The following F5 variants were observed in gnomAD, a reference collection of about 807,000 sequenced individuals.
The protein encoded by F5 is coagulation factor V, also known as activated protein c cofactor.
Under a neutral mutation model 216.4 loss-of-function variants are expected in F5, and 138 were observed. The observed-to-expected ratio is 0.64, with a 90% CI of 0.56 to 0.73. The LOEUF (loss-of-function observed/expected upper bound fraction) is 0.73, where lower values mean the gene tolerates loss of function less well. Among genes scored for constraint, F5 ranks in the 30% least tolerant of loss-of-function variants. The pLI is 0.00. For missense variants in F5, 2,403 were observed against 2,674.0 expected (o/e 0.90, Z 2.24); for synonymous variants, 916 against 930.7 (o/e 0.98, Z 0.29).
At chr1:169,586,206 C>T (rs759944580) in intron 1 of F5, 23 bp downstream of exon 1, 3 of 1,613,938 alleles carry the variant, frequency 1.9e-6, no homozygotes, top group Non-Finnish European at 2.5e-6. Context: ...GAGAAGCCCA[C>T]CCGGACTCCA....
At chr1:169,554,952 G>C (rs906329605) in intron 7 of F5, among the ~76,000 whole-genome samples, 5 of 152,160 alleles carry the variant, frequency 3.3e-5, no homozygotes, top group African/African-American at 1.2e-4. Context: ...GCTTGGCAAT[G>C]GCAAACATTC....
At chr1:169,571,672 T>C (rs1485673889) in intron 3 of F5, among the ~76,000 whole-genome samples, 1 of 152,128 alleles carries the variant, frequency 6.6e-6, no homozygotes, top group Non-Finnish European at 1.5e-5. Context: ...CCTGTTTTTG[T>C]AAATAAAATT....
chr1:169,573,978 A>G (rs555582445), intron 2 of F5, among the ~76,000 whole-genome samples: 1 of 152,298 alleles, frequency 6.6e-6, no homozygotes, highest in African/African-American at 2.4e-5. Context: ...AAAATATTCA[A>G]AAAACAACAA....
chr1:169,586,176 G>C, intron 1 of F5, 53 bp downstream of exon 1: 1 of 1,594,928 alleles, frequency 6.3e-7, no homozygotes, highest in Non-Finnish European at 8.6e-7. Flanking sequence ...TTCTCTAAAA[G>C]AAATAGATTT....
rs542871939 is a variant in F5, at chr1:169,513,721, G to A, written c.*592C>T. On this transcript the variant is annotated 3_prime_UTR_variant, in exon 25 of 25. Transcript: ENST00000367797. Reference sequence around the variant, plus strand: ...CCACCAACCTTGAATATCAATGTGTGCAGTCCTTAGGGAGACCAGGACGGA... The same window carrying A: ...CCACCAACCTTGAATATCAATGTGTACAGTCCTTAGGGAGACCAGGACGGA... Among the ~76,000 whole-genome samples, 2 of 152,216 alleles carry A rather than the reference G, an allele frequency of 1.3e-5. No individual in the cohort carries two copies. The highest frequency in any genetic ancestry group is 3.9e-4 in the East Asian group (2 of 5,180).
At chr1:169,581,131 T>G in intron 2 of F5, among the ~76,000 whole-genome samples, 1 of 152,082 alleles carries the variant, frequency 6.6e-6, no homozygotes, top group East Asian at 1.9e-4. Flanking sequence ...GTGGGGATAC[T>G]GAGCAGGAGT....
In F5 at chr1:169,514,200, A is replaced by G. The variant is rs1659101788; in HGVS notation, c.*113T>C. The G allele has an allele frequency of 8.8e-7, 1 of 1,139,274 alleles. No homozygotes were observed. Among genetic ancestry groups the G allele is most frequent in the Non-Finnish European group, 1.3e-6 (1 of 770,364 alleles). 70.6% of individuals were successfully genotyped at this position (1,139,274 alleles called of 1,614,324 possible). A position where few individuals can be genotyped will look rare whatever the true frequency, so the allele number is the denominator to read the frequency against. ...AAAATTTTATTCACTAATAGAAAAG[A>G]AAGAGAAATAGTGGAAAACTGTTAA... On this transcript the variant is annotated 3_prime_UTR_variant, in exon 25 of 25. Transcript: ENST00000367797.
chr1:169,565,783 G>C (rs1315446102), intron 3 of F5, among the ~76,000 whole-genome samples: 1 of 152,038 alleles, frequency 6.6e-6, no homozygotes, highest in Non-Finnish European at 1.5e-5. Flanking sequence ...ATAGGCATCT[G>C]AGTTTGTGAA....
intron 3 of F5, among the ~76,000 whole-genome samples, chr1:169,570,245 G>A (rs988367315): frequency 1.3e-5 from 2 of 152,026 alleles, no homozygotes; most frequent in Admixed American, 1.3e-4. Context: ...AAAGGAAGAG[G>A]GATAGTGTTG....
chr1:169,520,808 G>T, intron 21 of F5, 144 bp from the exon 22 acceptor site: 1 of 735,154 alleles, frequency 1.4e-6, no homozygotes, highest in Non-Finnish European at 2.2e-6. Flanking sequence ...TATACTTGGG[G>T]ATAATTCCAG....
rs12131397 is a variant in F5, at chr1:169,524,715, A to C, written c.5788+122T>G. On this transcript the variant is annotated intron_variant, in intron 19 of 24. Transcript: ENST00000367797. Reference sequence around the variant, plus strand: ...AAATGGAGCTGCTTCACTACATTGTAGTAGAGAAAAGCATAAAGAGAAAAA... The same window carrying C: ...AAATGGAGCTGCTTCACTACATTGTCGTAGAGAAAAGCATAAAGAGAAAAA... 378,973 of 844,962 alleles carry C rather than the reference A, an allele frequency of 0.45. 93,824 individuals carry two copies. The highest frequency in any genetic ancestry group is 0.53 in the Non-Finnish European group (265,153 of 496,192). 52.3% of individuals were successfully genotyped at this position (844,962 alleles called of 1,614,324 possible). A position where few individuals can be genotyped will look rare whatever the true frequency, so the allele number is the denominator to read the frequency against.
chr1:169,550,814 T>C (rs1660150758), intron 8 of F5, 75 bp from the exon 9 acceptor site: 2 of 1,122,216 alleles, frequency 1.8e-6, no homozygotes, highest in East Asian at 2.4e-5. Flanking sequence ...TAGCTTTGCA[T>C]ATTCACCTTT....
chr1:169,547,930 G>T (rs564270816), intron 10 of F5, among the ~76,000 whole-genome samples: 4 of 152,106 alleles, frequency 2.6e-5, no homozygotes, highest in Non-Finnish European at 5.9e-5. Context: ...GCAAAGACAT[G>T]AAATCAACCC....
At chr1:169,569,719 C>G (rs1206109573) in intron 3 of F5, among the ~76,000 whole-genome samples, 3 of 152,008 alleles carry the variant, frequency 2.0e-5, no homozygotes, top group Non-Finnish European at 2.9e-5. Flanking sequence ...CACCGTTTGT[C>G]CATTCTGTCA....
intron 20 of F5, among the ~76,000 whole-genome samples, 179 bp downstream of exon 20, chr1:169,523,622 A>G (rs2101806809): frequency 6.6e-6 from 1 of 152,348 alleles, no homozygotes; most frequent in East Asian, 1.9e-4. Flanking sequence ...ACAAGATATT[A>G]TTAGAACCAA....
Position 169,544,465 on chromosome 1 carries a change from G to A in F5, c.1806C>T (p.Phe602=). The change falls in exon 12 of 25, where the codon TTC becomes TTT. Residue 602 remains phenylalanine (F), a synonymous_variant. Coordinates refer to ENST00000367797, the MANE Select transcript of F5 (RefSeq NM_000130.5). ...YVPESITTLG[F]CFDDTVQWHF... ...GCCACTGGACAGTGTCATCAAAGCA[G>A]AATCCAAGAGTAGTTATGCTCTCAG... 6.2e-7 allele frequency: 1 copy of A among 1,614,104 alleles called. No homozygotes were observed. The highest frequency in any genetic ancestry group is 8.5e-7 in the Non-Finnish European group (1 of 1,180,008).
At position 169,555,167 on chromosome 1, in the gene F5, A is replaced by C; in HGVS notation, c.1118+15T>G. 6.2e-7 allele frequency: 1 copy of C among 1,613,990 alleles called. No homozygotes were observed. The highest frequency in any genetic ancestry group is 8.5e-7 in the Non-Finnish European group (1 of 1,179,930). On this transcript the variant is annotated intron_variant, in intron 7 of 24. Coordinates refer to ENST00000367797, the MANE Select transcript of F5 (RefSeq NM_000130.5). ...CTTGAACCTTTGCCCAGTGGTATGA[A>C]CCCCAACAACTCACTTGTCCATATT...
At chr1:169,523,949 A>C in intron 19 of F5, 45 bp from the exon 20 acceptor site, 4 of 1,524,812 alleles carry the variant, frequency 2.6e-6, no homozygotes, top group Non-Finnish European at 3.6e-6. Flanking sequence ...TTTTTTAAAA[A>C]CCCAGCAATT....
intron 14 of F5, 150 bp downstream of exon 14, chr1:169,536,356 G>A: frequency 1.5e-6 from 1 of 670,948 alleles, no homozygotes; most frequent in East Asian, 2.8e-5. Context: ...CAAATTGCTT[G>A]GCAAGGAGTC....
Sources: gnomAD v4.1 joint callset for allele counts (sites outside exome capture counted in the v4.1 genomes callset) on GRCh38, gnomAD v4.1.1 for gene constraint, MANE v1.5 for transcripts, NCBI Gene and HGNC (gene_info 2026-07-23, HGNC 2026-07-21) for gene names.